GUSB: variants seen among roughly 807,000 people sequenced by gnomAD.
The protein encoded by GUSB is glucuronidase beta.
A neutral mutation model predicts 74.6 loss-of-function variants in GUSB; 51 were observed. That is an observed-to-expected ratio of 0.68 (90% confidence interval 0.55 to 0.86). GUSB has a LOEUF of 0.86. Ranked by LOEUF, GUSB falls within the 40% of genes least tolerant of loss-of-function variation. The pLI, the probability that GUSB is intolerant of heterozygous loss-of-function variation, is 0.00. For missense variants in GUSB, 736 were observed against 853.7 expected, an observed-to-expected ratio of 0.86 and a Z score of 1.72; for synonymous variants, 360 against 348.3, an observed-to-expected ratio of 1.03 and a Z score of -0.37.
At chr7:65,972,851 GTCC>G (rs1457107778) in intron 8 of GUSB, among the ~76,000 whole-genome samples, 1 of 152,160 alleles carries the variant, frequency 6.6e-6, no homozygotes, top group Non-Finnish European at 1.5e-5. Context: ...GCTCTGAATT[GTCC>G]TTGGCCCAGG....
chr7:65,961,549 AGTTTTC>A (rs986049918), intron 11 of GUSB, among the ~76,000 whole-genome samples: 16 of 152,050 alleles, frequency 1.1e-4, no homozygotes, highest in African/African-American at 3.9e-4. Context: ...GTTAATTTCT[AGTTTTC>A]TAGTCTGTTA....
At chr7:65,971,622 C>T (rs141992624) in intron 8 of GUSB, among the ~76,000 whole-genome samples, 3 of 152,094 alleles carry the variant, frequency 2.0e-5, no homozygotes, top group Non-Finnish European at 4.4e-5. Flanking sequence ...ATCCCAGCTA[C>T]TCATGAGGCT....
intron 9 of GUSB, among the ~76,000 whole-genome samples, chr7:65,968,230 C>CAAA (rs60554800): frequency 5.7e-5 from 7 of 123,362 alleles, no homozygotes; most frequent in South Asian, 2.5e-4. Flanking sequence ...CCATTTCTAC[C>CAAA]AAAAAAAAAA....
chr7:65,982,148 G>A lies in GUSB; in HGVS notation c.36C>T (p.Leu12=), dbSNP rs1032355412. 2.0e-6 allele frequency: 3 copies of A among 1,536,254 alleles called. No homozygotes were observed. Among genetic ancestry groups the A allele is most frequent in the Non-Finnish European group, 2.6e-6 (3 of 1,141,402 alleles). ...ARGSAVAWAA[L]GPLLWGCALG... ...GCGCGCAGCCCCACAACAACGGCCC[G>A]AGCGCCGCCCAGGCAACCGCCGACC... Residue 12 remains leucine, a synonymous_variant, in exon 1 of 12, where the codon CTC becomes CTT. Transcript: ENST00000304895.
intron 10 of GUSB, among the ~76,000 whole-genome samples, chr7:65,966,141 G>T (rs1790820257): frequency 6.6e-6 from 1 of 151,882 alleles, no homozygotes; most frequent in African/African-American, 2.4e-5. Context: ...CTGCACTCCA[G>T]CCTAGGCAAC....
chr7:65,968,033 A>G lies in GUSB; in HGVS notation c.1477-126T>C, dbSNP rs1790950775. 8.9e-6 allele frequency: 7 copies of G among 787,380 alleles called. No homozygotes were observed. The Admixed American group carries it at 1.4e-4, about 16-fold the overall frequency. The allele number at this position is 787,380 out of a possible 1,614,324, so 48.8% of individuals were successfully genotyped here. The stretch of plus-strand genomic sequence containing the variant: ...GTAATCCCAGCACTCTGGGAGGCTG[A>G]GGCAGGAGGATGGCTTAAGACCAGC... On this transcript the variant is annotated intron_variant, in intron 9 of 11. Transcript: ENST00000304895.
At chr7:65,963,678 T>G (rs1260273344) in intron 11 of GUSB, among the ~76,000 whole-genome samples, 1 of 152,210 alleles carries the variant, frequency 6.6e-6, no homozygotes, top group Non-Finnish European at 1.5e-5. Context: ...CCCAAGCAGC[T>G]GAGACTACAG....
rs1791953723 is a variant in GUSB, at chr7:65,980,723, T to C, written c.211-314A>G. The C allele has an allele frequency of 7.0e-6, 3 of 427,064 alleles. No homozygotes were observed. In the East Asian group the frequency reaches 1.5e-4, roughly 22 times the overall value. 26.5% of individuals were successfully genotyped at this position (427,064 alleles called of 1,614,324 possible). ...GACTAAGAGGCAGATGGCCACTGCC[T>C]GTCACAGGGAGGAAGGCTGGTTGGA... is the stretch of plus-strand genomic sequence containing the variant. On this transcript the variant is annotated intron_variant, in intron 1 of 11. Transcript: ENST00000304895.
chr7:65,973,937 A>T (rs1425558792), intron 8 of GUSB, among the ~76,000 whole-genome samples: 1 of 151,472 alleles, frequency 6.6e-6, no homozygotes, highest in East Asian at 1.9e-4. Context: ...ATTTTGAAAA[A>T]AAAAAACAGC....
intron 1 of GUSB, chr7:65,980,784 G>T (rs1791957895): frequency 1.1e-5 from 4 of 353,686 alleles, no homozygotes; most frequent in Non-Finnish European, 1.1e-5. Context: ...CACTGTGAGT[G>T]GGGTGCACAC....
chr7:65,970,467 CG>C, intron 8 of GUSB, 101 bp from the exon 9 acceptor site: 1 of 757,242 alleles, frequency 1.3e-6, no homozygotes, highest in Non-Finnish European at 2.3e-6. Flanking sequence ...GAACACAACA[CG>C]GGGCCAGGCA....
chr7:65,979,776 G>A lies in GUSB; in HGVS notation c.532C>T (p.Pro178Ser), dbSNP rs11559281. 1.2e-6 allele frequency: 2 copies of A among 1,613,820 alleles called. No individual in the cohort carries two copies. Among genetic ancestry groups the A allele is most frequent in the Non-Finnish European group, 1.7e-6 (2 of 1,180,010 alleles). The part of the protein sequence containing the change: ...ITIAINNTLT[P>S]TTLPPGTIQY... Reference sequence around the variant, plus strand: ...ATGGTCCCTGGTGGCAGGGTGGTGGGGGTGAGTGTGTTGTTGATGGCGATA... The same window carrying A: ...ATGGTCCCTGGTGGCAGGGTGGTGGAGGTGAGTGTGTTGTTGATGGCGATA... The change falls in exon 3 of 12, where the codon CCC (proline) becomes TCC (serine). Residue 178 changes from proline (P) to serine (S), a missense_variant. Pro to Ser is a moderately conservative substitution (Grantham distance 74). This residue lies in a region of GUSB where 368 missense variants were observed against 363.8 expected (regional missense o/e 1.01). Transcript: ENST00000304895.
Position 65,962,765 on chromosome 7 carries a change from G to A in GUSB, c.1789+1558C>T, listed in dbSNP as rs548174928. On this transcript the variant is annotated intron_variant, in intron 11 of 11. Coordinates refer to ENST00000304895, the MANE Select transcript of GUSB (RefSeq NM_000181.4). Reference sequence around the variant, plus strand: ...CGCATGCCTGCAATCCCAGTTAATCGGGAGGCTGAGGCAGGAGAATTGCTT... The same window carrying A: ...CGCATGCCTGCAATCCCAGTTAATCAGGAGGCTGAGGCAGGAGAATTGCTT... 9.2e-5 allele frequency among the ~76,000 whole-genome samples: 14 copies of A among 151,930 alleles called. No individual in the cohort carries two copies. The East Asian group carries it at 9.9e-4, about 11-fold the overall frequency.
At chr7:65,978,954 T>G (rs1372846852) in intron 4 of GUSB, among the ~76,000 whole-genome samples, 4 of 151,972 alleles carry the variant, frequency 2.6e-5, no homozygotes, top group Non-Finnish European at 4.4e-5. Flanking sequence ...TTTTTTGTGG[T>G]GATGGCCTCA....
At chr7:65,975,167 C>T in intron 5 of GUSB, 96 bp from the exon 6 acceptor site, 1 of 1,077,854 alleles carries the variant, frequency 9.3e-7, no homozygotes, top group Non-Finnish European at 1.4e-6. Flanking sequence ...ACCCCAGCAG[C>T]TGCCTCTGGG....
intron 8 of GUSB, 69 bp downstream of exon 8, chr7:65,974,225 GC>G: frequency 1.4e-6 from 2 of 1,478,434 alleles, no homozygotes; most frequent in East Asian, 2.3e-5. Flanking sequence ...AACAGCACAT[GC>G]CCACCGAGGC....
At position 65,976,058 on chromosome 7, in the gene GUSB, G is replaced by A. The variant is rs1476316768; in HGVS notation, c.869C>T (p.Pro290Leu). 4.3e-6 allele frequency: 7 copies of A among 1,613,770 alleles called. No individual in the cohort carries two copies. Among genetic ancestry groups the A allele is most frequent in the Admixed American group, 1.7e-5 (1 of 59,980 alleles). Reference sequence around the variant, plus strand: ...GGCAGGGCGTTCGTGCATCAGGTACGGCCACCAGAGGCTGACACCTGGCAC... The same window carrying A: ...GGCAGGGCGTTCGTGCATCAGGTACAGCCACCAGAGGCTGACACCTGGCAC... ...LKVPGVSLWW[P>L]YLMHERPAYL... The change falls in exon 5 of 12, where the codon CCG becomes CTG. Residue 290 changes from proline (P) to leucine (L), a missense_variant. Pro to Leu is a moderately conservative substitution (Grantham distance 98). This residue lies in a region of GUSB where 368 missense variants were observed against 489.9 expected (regional missense o/e 0.75). Transcript: ENST00000304895.
At chr7:65,967,021 G>A (rs1562674400) in intron 10 of GUSB, among the ~76,000 whole-genome samples, 1 of 152,174 alleles carries the variant, frequency 6.6e-6, no homozygotes, top group Admixed American at 6.5e-5. Flanking sequence ...GAGAGCAAGC[G>A]AGGGCAGTGG....
chr7:65,971,078 C>T (rs1040613222), intron 8 of GUSB, among the ~76,000 whole-genome samples: 1 of 152,220 alleles, frequency 6.6e-6, no homozygotes, highest in South Asian at 2.1e-4. Context: ...CTTCCAGGTA[C>T]ACAGAGCTGA....
Sources: allele counts gnomAD v4.1 joint callset (sites outside exome capture counted in the v4.1 genomes callset), GRCh38; gene constraint gnomAD v4.1.1; regional missense constraint gnomAD v4.1.1; transcripts MANE v1.5; gene names NCBI Gene and HGNC (gene_info 2026-07-23, HGNC 2026-07-21).